The following NAV2 variants were observed in gnomAD, a reference collection of about 807,000 sequenced individuals.
NAV2 encodes the protein helicase, APC down-regulated 1.
In NAV2, 54 loss-of-function variants were observed where a neutral mutation model predicts 223.2. The observed-to-expected ratio is 0.24, with a 90% CI of 0.19 to 0.30. The LOEUF is 0.30. NAV2 is among the 10% of genes least tolerant of loss of function. NAV2 has a pLI of 1.00. For missense variants in NAV2, 2,806 were observed against 3,147.5 expected, an observed-to-expected ratio of 0.89 and a Z score of 2.60; for synonymous variants, 1,279 against 1,239.3, an observed-to-expected ratio of 1.03 and a Z score of -0.67.
intron 1 of NAV2, among the ~76,000 whole-genome samples, chr11:19,390,318 G>C (rs1354158558): frequency 6.6e-6 from 1 of 152,122 alleles, no homozygotes; most frequent in Non-Finnish European, 1.5e-5. Context: ...TTTTCAAGCA[G>C]AGATCACCAT....
At chr11:19,514,705 G>A (rs561080303) in intron 1 of NAV2, among the ~76,000 whole-genome samples, 2 of 152,124 alleles carry the variant, frequency 1.3e-5, no homozygotes, top group Non-Finnish European at 2.9e-5. Context: ...AACTTCCAAC[G>A]CCAGGCCAGT....
At chr11:19,534,815 G>A (rs2044136399) in intron 1 of NAV2, among the ~76,000 whole-genome samples, 1 of 152,196 alleles carries the variant, frequency 6.6e-6, no homozygotes, top group Non-Finnish European at 1.5e-5. Flanking sequence ...AAGAGGCAAT[G>A]TAGACTAGTA....
intron 1 of NAV2, among the ~76,000 whole-genome samples, chr11:19,588,603 G>A (rs1345056258): frequency 6.6e-6 from 1 of 152,216 alleles, no homozygotes; most frequent in African/African-American, 2.4e-5. Flanking sequence ...AACAGAAGAA[G>A]TGGTACACAA....
chr11:19,570,048 C>T (rs141800091), intron 1 of NAV2, among the ~76,000 whole-genome samples: 92 of 152,314 alleles, frequency 6.0e-4, no homozygotes, highest in African/African-American at 2.1e-3. Context: ...TTCCATCCTT[C>T]CCTTCAAATT....
In NAV2 at chr11:20,119,859, C is replaced by T. The variant is rs911741681; in HGVS notation, c.*1601C>T. 17 of 152,222 alleles carry T rather than the reference C, an allele frequency of 1.1e-4. No individual in the cohort carries two copies. Among genetic ancestry groups the T allele is most frequent in the African/African-American group, 4.1e-4 (17 of 41,394 alleles). The allele number at this position is 152,222 out of a possible 1,614,324, so 9.4% of individuals were successfully genotyped here. A position where few individuals can be genotyped will look rare whatever the true frequency, so the allele number is the denominator to read the frequency against. ...ATCCATTTTTTAGGTTCTTTTCGGT[C>T]TCCAGCTGACAACCCAACTGGACAA... On this transcript the variant is annotated 3_prime_UTR_variant, in exon 38 of 38. Coordinates refer to ENST00000349880, the MANE Select transcript of NAV2 (RefSeq NM_145117.5).
chr11:19,990,263 A>G (rs10766617), intron 11 of NAV2, among the ~76,000 whole-genome samples: 106,005 of 152,090 alleles, frequency 0.7, 37,884 homozygotes, highest in Middle Eastern at 0.81. Context: ...CAATTTTTGT[A>G]TTGTTAGTTG....
At chr11:19,928,436 A>G (rs1301611458) in intron 6 of NAV2, among the ~76,000 whole-genome samples, 2 of 152,262 alleles carry the variant, frequency 1.3e-5, no homozygotes, top group Non-Finnish European at 2.9e-5. Flanking sequence ...ACAGATGTTC[A>G]AAACATTCTT....
At chr11:19,876,128 C>T (rs553953737) in intron 4 of NAV2, among the ~76,000 whole-genome samples, 19 of 152,222 alleles carry the variant, frequency 1.2e-4, no homozygotes, top group African/African-American at 4.1e-4. Context: ...CGGGTTCAAG[C>T]GATTCTCCTG....
intron 11 of NAV2, among the ~76,000 whole-genome samples, chr11:20,012,888 G>T (rs1265285702): frequency 1.3e-5 from 2 of 152,220 alleles, no homozygotes; most frequent in Non-Finnish European, 2.9e-5. Flanking sequence ...GGGCTTACCA[G>T]CAGTGTGGCC....
chr11:19,762,046 T>G (rs557560333), intron 1 of NAV2, among the ~76,000 whole-genome samples: 1 of 152,122 alleles, frequency 6.6e-6, no homozygotes, highest in Non-Finnish European at 1.5e-5. Flanking sequence ...AGTTCAAGAC[T>G]AGCCTGGCTA....
At chr11:20,055,613 T>G (rs1418891171) in intron 18 of NAV2, among the ~76,000 whole-genome samples, 156 bp from the exon 19 acceptor site, 1 of 152,216 alleles carries the variant, frequency 6.6e-6, no homozygotes, top group Non-Finnish European at 1.5e-5. Context: ...GGTGTGTAAC[T>G]CAAATGCTGA....
intron 1 of NAV2, among the ~76,000 whole-genome samples, chr11:19,538,680 T>C (rs1026074331): frequency 3.9e-5 from 6 of 152,060 alleles, no homozygotes; most frequent in African/African-American, 1.4e-4. Context: ...ACTTTCTTTT[T>C]TTTTTATGCT....
intron 6 of NAV2, among the ~76,000 whole-genome samples, chr11:19,919,861 C>T (rs1002478878): frequency 2.6e-5 from 4 of 152,124 alleles, no homozygotes; most frequent in Non-Finnish European, 5.9e-5. Flanking sequence ...GGGCCAGACA[C>T]GGTGGCTCAC....
chr11:19,776,812 G>A (rs2056258969), intron 1 of NAV2, among the ~76,000 whole-genome samples: 1 of 151,952 alleles, frequency 6.6e-6, no homozygotes. Context: ...CGCATAGTGA[G>A]GCGCCGGCTG....
At chr11:19,747,228 A>G (rs1208022750) in intron 1 of NAV2, among the ~76,000 whole-genome samples, 1 of 151,848 alleles carries the variant, frequency 6.6e-6, no homozygotes, top group Non-Finnish European at 1.5e-5. Context: ...CGAACTCATC[A>G]TTTTTTATGG....
chr11:20,026,619 A>G (rs2153545695), intron 11 of NAV2, among the ~76,000 whole-genome samples: 1 of 152,298 alleles, frequency 6.6e-6, no homozygotes, highest in East Asian at 1.9e-4. Context: ...CAGCTTGCTT[A>G]TAGTTTTAAT....
chr11:19,839,601 G>A (rs569314885), intron 2 of NAV2, among the ~76,000 whole-genome samples: 2 of 152,238 alleles, frequency 1.3e-5, no homozygotes, highest in East Asian at 3.9e-4. Context: ...TACCTTTCTG[G>A]GGAGCCAGTT....
chr11:19,976,950 T>C (rs1286388617), intron 10 of NAV2, among the ~76,000 whole-genome samples: 1 of 152,170 alleles, frequency 6.6e-6, no homozygotes, highest in African/African-American at 2.4e-5. Flanking sequence ...ACGATGTACA[T>C]TGAACTCCCA....
chr11:19,522,794 G>A (rs141541004), intron 1 of NAV2, among the ~76,000 whole-genome samples: 8 of 152,194 alleles, frequency 5.3e-5, no homozygotes, highest in Non-Finnish European at 1.0e-4. Flanking sequence ...GTTATTTCAC[G>A]TCTGTTCTTA....
Sources: allele counts gnomAD v4.1 joint callset (sites outside exome capture counted in the v4.1 genomes callset), GRCh38; gene constraint gnomAD v4.1.1; transcripts MANE v1.5; gene names NCBI Gene and HGNC (gene_info 2026-07-23, HGNC 2026-07-21).